The following TAFA5 variants were observed in gnomAD, a reference collection of about 807,000 sequenced individuals.
TAFA5 encodes TAFA chemokine like family member 5.
TAFA5 carries 6 observed loss-of-function variants against 15.3 expected under a neutral mutation model. That is an observed-to-expected ratio of 0.39 (90% CI 0.21 to 0.77). The LOEUF is 0.77. TAFA5 is among the 30% of genes least tolerant of loss of function. The probability of loss-of-function intolerance (pLI) is 0.41; values close to 1 mark genes in which losing one functional copy is unlikely to be tolerated. For synonymous variants in TAFA5, 103 were observed against 80.7 expected, an observed-to-expected ratio of 1.28 and a Z score of -1.48; for missense variants, 161 against 193.1, an observed-to-expected ratio of 0.83 and a Z score of 0.98.
chr22:48,746,525 G>A (rs572846900), intron 3 of TAFA5, among the ~76,000 whole-genome samples: 7 of 152,306 alleles, frequency 4.6e-5, no homozygotes, highest in Non-Finnish European at 8.8e-5. Flanking sequence ...TGCTCACGTG[G>A]TGCTGGCTCT....
rs558674162 is a variant in TAFA5 at position 48,515,913 on chromosome 22, T to C, written c.112+26209T>C. Among the ~76,000 whole-genome samples the C allele has an allele frequency of 3.2e-5, 4 of 126,530 alleles. No homozygotes were observed. The East Asian group carries it at 9.4e-4, about 30-fold the overall frequency. The allele number at this position is 126,530 out of a possible 152,430, so 83.0% of individuals were successfully genotyped here. A position where few individuals can be genotyped will look rare whatever the true frequency, so the allele number is the denominator to read the frequency against. On this transcript the variant is annotated intron_variant, in intron 1 of 3. Coordinates refer to ENST00000402357, the MANE Select transcript of TAFA5 (RefSeq NM_001082967.3). ...GTCTCCATCAGTCTCGGTGGGCAGG[T>C]GTCGTTCCTCCAGGTGGGCTGAACT... is the stretch of plus-strand genomic sequence containing the variant.
chr22:48,639,488 G>A (rs1215365230), intron 1 of TAFA5, among the ~76,000 whole-genome samples: 2 of 152,228 alleles, frequency 1.3e-5, no homozygotes, highest in Admixed American at 1.3e-4. Context: ...TGCGCCCCAC[G>A]GGTGGCAGGA....
At position 48,598,186 on chromosome 22, in the gene TAFA5, T is replaced by A. The variant is rs936998186; in HGVS notation, c.113-48411T>A. Reference sequence around the variant, plus strand: ...TCTTTTCTTGCTTGAGGAAGGTCCATCTTTGTCCATTGAGGCCTTCACCTG... The same window carrying A: ...TCTTTTCTTGCTTGAGGAAGGTCCAACTTTGTCCATTGAGGCCTTCACCTG... On this transcript the variant is annotated intron_variant, in intron 1 of 3. Coordinates refer to ENST00000402357, the MANE Select transcript of TAFA5 (RefSeq NM_001082967.3). This position sits in a 1 kb window ranked among gnomAD's most constrained non-coding sequence, Gnocchi z 4.0. Among the ~76,000 whole-genome samples the A allele has an allele frequency of 1.3e-5, 2 of 152,146 alleles. No homozygotes were observed. Among genetic ancestry groups the A allele is most frequent in the African/African-American group, 4.8e-5 (2 of 41,444 alleles).
chr22:48,669,326 C>T (rs539708442), intron 2 of TAFA5, among the ~76,000 whole-genome samples: 27 of 152,380 alleles, frequency 1.8e-4, no homozygotes, highest in African/African-American at 9.6e-5. Context: ...CCATGAGCTT[C>T]GCCTGCAGGG....
At chr22:48,665,299 T>C (rs1291301560) in intron 2 of TAFA5, among the ~76,000 whole-genome samples, 2 of 152,200 alleles carry the variant, frequency 1.3e-5, no homozygotes, top group Admixed American at 6.5e-5. Flanking sequence ...GCTCTTCCTA[T>C]ATGCTCCATT....
chr22:48,580,406 G>A (rs1409761706), intron 1 of TAFA5, among the ~76,000 whole-genome samples: 1 of 152,232 alleles, frequency 6.6e-6, no homozygotes, highest in Non-Finnish European at 1.5e-5. Context: ...GAAATGGATA[G>A]AGAACTTCTT....
At chr22:48,508,899 G>C (rs1206663035) in intron 1 of TAFA5, among the ~76,000 whole-genome samples, 1 of 152,020 alleles carries the variant, frequency 6.6e-6, no homozygotes, top group Non-Finnish European at 1.5e-5. Flanking sequence ...ACTGTGCATA[G>C]AGTGCCACAG....
At chr22:48,696,592 C>A (rs972918585) in intron 2 of TAFA5, among the ~76,000 whole-genome samples, 1 of 152,230 alleles carries the variant, frequency 6.6e-6, no homozygotes, top group African/African-American at 2.4e-5. Flanking sequence ...GGAGCTCCCC[C>A]CAACTGCAGA....
chr22:48,626,240 G>C (rs1926022389), intron 1 of TAFA5, among the ~76,000 whole-genome samples: 1 of 152,234 alleles, frequency 6.6e-6, no homozygotes, highest in Non-Finnish European at 1.5e-5. Flanking sequence ...CGTATGGTAA[G>C]AGTATGTTCT....
intron 1 of TAFA5, among the ~76,000 whole-genome samples, chr22:48,580,658 G>C (rs545677188): frequency 1.3e-5 from 2 of 152,174 alleles, no homozygotes; most frequent in Non-Finnish European, 2.9e-5. Flanking sequence ...CACTGCACGC[G>C]GTGTGTGTGG....
At chr22:48,734,457 G>A (rs1443635610) in intron 3 of TAFA5, among the ~76,000 whole-genome samples, 1 of 152,228 alleles carries the variant, frequency 6.6e-6, no homozygotes, top group East Asian at 1.9e-4. Flanking sequence ...ACTTTGGAAC[G>A]GAAGACTCAC....
chr22:48,737,095 G>T (rs1930051021), intron 3 of TAFA5, among the ~76,000 whole-genome samples: 1 of 152,078 alleles, frequency 6.6e-6, no homozygotes, highest in African/African-American at 2.4e-5. Context: ...TGCAGGTGGG[G>T]GCTGCCCTGG....
rs1026800949 is a variant in TAFA5 at position 48,536,952 on chromosome 22, G to A, written c.112+47248G>A. ...GGGCTGCAGCTGGCTGAGTTCTGTC[G>A]TCTGCAGAGGAGCAGGACCTGGGAC... On this transcript the variant is annotated intron_variant, in intron 1 of 3. Transcript: ENST00000402357. 5.3e-5 allele frequency among the ~76,000 whole-genome samples: 8 copies of A among 152,334 alleles called. 1 individual carries two copies. The highest frequency in any genetic ancestry group is 3.4e-3 in the Middle Eastern group (1 of 294).
chr22:48,555,993 TG>T (rs1923024455), intron 1 of TAFA5, among the ~76,000 whole-genome samples: 1 of 152,164 alleles, frequency 6.6e-6, no homozygotes, highest in Non-Finnish European at 1.5e-5. Context: ...GGAGGTGTCC[TG>T]TCCTGTGGGC....
intron 2 of TAFA5, among the ~76,000 whole-genome samples, chr22:48,655,380 AAAG>A (rs1436109586): frequency 6.6e-6 from 1 of 152,218 alleles, no homozygotes; most frequent in African/African-American, 2.4e-5. Context: ...TTTGTAAAGA[AAAG>A]AAATTTATTT....
At chr22:48,496,904 A>G (rs1400130436) in intron 1 of TAFA5, among the ~76,000 whole-genome samples, 1 of 152,188 alleles carries the variant, frequency 6.6e-6, no homozygotes, top group Non-Finnish European at 1.5e-5. Context: ...AAGCAATACC[A>G]CTAACACAGT....
chr22:48,571,033 T>C (rs1923563830), intron 1 of TAFA5, among the ~76,000 whole-genome samples: 2 of 152,176 alleles, frequency 1.3e-5, no homozygotes, highest in Admixed American at 1.3e-4. Context: ...TCTGGTGGAG[T>C]GTAACCTAGA....
At chr22:48,562,177 G>A (rs12485214) in intron 1 of TAFA5, among the ~76,000 whole-genome samples, 16,795 of 151,716 alleles carry the variant, frequency 0.11, 1,610 homozygotes, top group African/African-American at 0.25. Flanking sequence ...TCGCTCTGTC[G>A]CCCAGGTTGG....
At chr22:48,579,881 G>A (rs557335059) in intron 1 of TAFA5, among the ~76,000 whole-genome samples, 1 of 152,338 alleles carries the variant, frequency 6.6e-6, no homozygotes, top group East Asian at 1.9e-4. Flanking sequence ...AAATCATTCG[G>A]CCCGATCCTT....
Sources: gnomAD v4.1 joint callset for allele counts (sites outside exome capture counted in the v4.1 genomes callset) on GRCh38, gnomAD v4.1.1 for gene constraint, Gnocchi (gnomAD v3.1) non-coding constraint, MANE v1.5 for transcripts, NCBI Gene and HGNC (gene_info 2026-07-23, HGNC 2026-07-21) for gene names.